The following PSMA1 variants were observed in gnomAD, a reference collection of about 807,000 sequenced individuals.
PSMA1 encodes the protein proteasome 20S subunit alpha 1.
Under a neutral mutation model 38.4 loss-of-function variants are expected in PSMA1, and 3 were observed. That is an observed-to-expected ratio of 0.08 (90% confidence interval 0.04 to 0.20). The LOEUF (loss-of-function observed/expected upper bound fraction) is 0.20. Ranked by LOEUF, PSMA1 falls within the 10% of genes least tolerant of loss-of-function variation. The probability of loss-of-function intolerance (pLI) is 1.00; values close to 1 mark genes in which losing one functional copy is unlikely to be tolerated. For missense variants in PSMA1, 227 were observed against 325.3 expected (o/e 0.70, Z 2.32); for synonymous variants, 101 against 107.1 (o/e 0.94, Z 0.35).
chr11:14,519,952 GTC>G lies in PSMA1; in HGVS notation c.3+343_3+344del, dbSNP rs1184831489. 16 of 308,410 alleles carry G rather than the reference GTC, an allele frequency of 5.2e-5. No individual in the cohort carries two copies. The South Asian group carries it at 1.0e-3, about 20-fold the overall frequency. 19.1% of individuals were successfully genotyped at this position (308,410 alleles called of 1,614,324 possible). A position where few individuals can be genotyped will look rare whatever the true frequency, so the allele number is the denominator to read the frequency against. The stretch of plus-strand genomic sequence containing the variant: ...TGGTACAGGTAGGCCTCCAAGTCAA[GTC>G]TCTGTCTTCTCCTCTCCCATACACA... On this transcript the variant is annotated intron_variant, in intron 1 of 9. Transcript: ENST00000396394.
chr11:14,567,543 CAT>C (rs1852086529), intron 2 of PSMA1, among the ~76,000 whole-genome samples: 1 of 152,202 alleles, frequency 6.6e-6, no homozygotes, highest in South Asian at 2.1e-4. Context: ...AGTTCATCCT[CAT>C]TATTCATGAA....
intron 2 of PSMA1, among the ~76,000 whole-genome samples, chr11:14,555,466 A>C (rs1414478310): frequency 6.6e-6 from 1 of 152,234 alleles, no homozygotes; most frequent in Non-Finnish European, 1.5e-5. Flanking sequence ...AGAGGAATAA[A>C]AATAAAAGAA....
intron 1 of PSMA1, among the ~76,000 whole-genome samples, chr11:14,616,846 T>G (rs1852779714): frequency 6.6e-6 from 1 of 152,164 alleles, no homozygotes; most frequent in Non-Finnish European, 1.5e-5. Flanking sequence ...TGAACCAGTT[T>G]GGCTCCAGAG....
At chr11:14,514,834 C>A (rs1474523581) in intron 4 of PSMA1, among the ~76,000 whole-genome samples, 1 of 152,154 alleles carries the variant, frequency 6.6e-6, no homozygotes. Flanking sequence ...TTCTAGATCT[C>A]GAACCAGCAA....
intron 8 of PSMA1, among the ~76,000 whole-genome samples, chr11:14,509,690 T>A (rs10766183): frequency 2.7e-5 from 4 of 148,510 alleles, no homozygotes; most frequent in African/African-American, 5.0e-5. Context: ...CGTGAGCCAC[T>A]GCGGCTGGCC....
chr11:14,632,674 T>C (rs1485116383), intron 1 of PSMA1, among the ~76,000 whole-genome samples: 4 of 146,672 alleles, frequency 2.7e-5, no homozygotes, highest in Non-Finnish European at 6.0e-5. Context: ...GGAGTATCTT[T>C]GTGGCGTTCT....
chr11:14,573,891 T>C (rs1467515639), intron 2 of PSMA1, among the ~76,000 whole-genome samples: 2 of 152,226 alleles, frequency 1.3e-5, no homozygotes, highest in Non-Finnish European at 1.5e-5. Flanking sequence ...AGTGTGCCCC[T>C]GCTCTAGACA....
intron 1 of PSMA1, among the ~76,000 whole-genome samples, chr11:14,612,901 ATT>A (rs1327116400): frequency 1.3e-5 from 2 of 149,526 alleles, no homozygotes; most frequent in Non-Finnish European, 3.0e-5. Context: ...CTTTCCATTT[ATT>A]TTGTGGGCCG....
chr11:14,638,085 A>G (rs1045830603), intron 1 of PSMA1, among the ~76,000 whole-genome samples: 6 of 152,036 alleles, frequency 3.9e-5, no homozygotes, highest in African/African-American at 1.5e-4. Context: ...TAAGAGGTAG[A>G]CATTGTTATC....
chr11:14,531,812 G>T (rs1011595248), intron 2 of PSMA1, among the ~76,000 whole-genome samples: 20 of 152,078 alleles, frequency 1.3e-4, no homozygotes, highest in Admixed American at 3.3e-4. Flanking sequence ...ATCTTTTATA[G>T]ATTGCATCAG....
chr11:14,628,451 A>G (rs1344850742), intron 1 of PSMA1, among the ~76,000 whole-genome samples: 1 of 150,440 alleles, frequency 6.6e-6, no homozygotes, highest in Non-Finnish European at 1.5e-5. Context: ...TTTACTGAGG[A>G]TGATGATTTC....
chr11:14,523,625 C>T (rs1851554376), upstream of PSMA1, among the ~76,000 whole-genome samples: 1 of 143,912 alleles, frequency 6.9e-6, no homozygotes, highest in Non-Finnish European at 1.5e-5. Flanking sequence ...GGGTATTTCT[C>T]TGTTGCCCAG....
rs1019282105 is a variant in PSMA1, at chr11:14,534,743, G to C, written c.22-15702C>G. Among the ~76,000 whole-genome samples the C allele has an allele frequency of 4.0e-5, 6 of 150,922 alleles. No individual in the cohort carries two copies. The highest frequency in any genetic ancestry group is 1.2e-4 in the African/African-American group (5 of 41,210). ...AATATGTGTAACATGTATATACATCGTGTGTACATATGCATATTTAAAAAA... is the reference window on the plus strand; with the variant it reads ...AATATGTGTAACATGTATATACATCCTGTGTACATATGCATATTTAAAAAA... On this transcript the variant is annotated intron_variant, in intron 2 of 10. Transcript: ENST00000418988. The surrounding 1 kb of genome is among the most constrained non-coding windows in gnomAD (Gnocchi z 4.5).
intron 2 of PSMA1, among the ~76,000 whole-genome samples, chr11:14,576,259 G>T (rs1442486263): frequency 3.9e-5 from 6 of 152,174 alleles, no homozygotes; most frequent in Admixed American, 3.9e-4. Context: ...AGTTTCTTTT[G>T]CTGTGCAGAA....
intron 7 of PSMA1, among the ~76,000 whole-genome samples, chr11:14,513,110 A>G (rs577116235): frequency 2.6e-5 from 4 of 152,354 alleles, no homozygotes; most frequent in African/African-American, 4.8e-5. Context: ...CTGTCCTGTC[A>G]TAACATCTTA....
At chr11:14,567,509 C>G (rs189921654) in intron 2 of PSMA1, among the ~76,000 whole-genome samples, 127 of 152,316 alleles carry the variant, frequency 8.3e-4, no homozygotes, top group African/African-American at 2.9e-3. Context: ...GGTATCATTA[C>G]TAAGGCTCAC....
chr11:14,575,844 C>G (rs1852206508), intron 2 of PSMA1, among the ~76,000 whole-genome samples: 1 of 152,198 alleles, frequency 6.6e-6, no homozygotes, highest in South Asian at 2.1e-4. Flanking sequence ...CACTGTCTTC[C>G]ACAATGGTTG....
At chr11:14,607,334 C>T (rs1852655026) in intron 2 of PSMA1, among the ~76,000 whole-genome samples, 1 of 152,210 alleles carries the variant, frequency 6.6e-6, no homozygotes, top group Non-Finnish European at 1.5e-5. Flanking sequence ...AAGAGATCAG[C>T]AGACTATCAA....
chr11:14,514,440 T>C lies in PSMA1; in HGVS notation c.306A>G (p.Pro102=), dbSNP rs967095679. Residue 102 remains proline (P), a synonymous_variant, in exon 5 of 10, where the codon CCA becomes CCG. Transcript: ENST00000396394. ...GAGATACAAGACGAGACACAGGCAG[T>C]GGTCTATCGAATACAAATCTGGAAT... ...CLDSRFVFDR[P]LPVSRLVSLI... 1.2e-6 allele frequency: 2 copies of C among 1,608,068 alleles called. No homozygotes were observed. Among genetic ancestry groups the C allele is most frequent in the African/African-American group, 1.3e-5 (1 of 74,562 alleles).
Sources: allele counts gnomAD v4.1 joint callset (sites outside exome capture counted in the v4.1 genomes callset), GRCh38; gene constraint gnomAD v4.1.1; non-coding constraint Gnocchi (gnomAD v3.1); transcripts MANE v1.5; gene names NCBI Gene and HGNC (gene_info 2026-07-23, HGNC 2026-07-21).